Variants in PTPRD observed in about 807,000 individuals in gnomAD.
PTPRD encodes the protein receptor-type tyrosine-protein phosphatase delta.
PTPRD carries 34 observed loss-of-function variants against 214.5 expected under a neutral mutation model. That is an observed-to-expected ratio of 0.16 (90% CI 0.12 to 0.21). The LOEUF (loss-of-function observed/expected upper bound fraction) is 0.21. Among genes scored for constraint, PTPRD ranks in the 10% least tolerant of loss-of-function variants. PTPRD has a pLI of 1.00. For synonymous variants in PTPRD, 1,128 were observed against 845.7 expected, an observed-to-expected ratio of 1.33 and a Z score of -5.79; for missense variants, 2,545 against 2,398.7, an observed-to-expected ratio of 1.06 and a Z score of -1.27.
intron 8 of PTPRD, among the ~76,000 whole-genome samples, chr9:9,570,910 C>T (rs1176123711): frequency 2.6e-5 from 4 of 151,408 alleles, no homozygotes; most frequent in Non-Finnish European, 5.9e-5. Flanking sequence ...TAAACCCCAA[C>T]ATTTCTTTAT....
intron 10 of PTPRD, among the ~76,000 whole-genome samples, chr9:9,058,831 C>T (rs560192549): frequency 1.3e-5 from 2 of 151,874 alleles, no homozygotes; most frequent in African/African-American, 2.4e-5. Flanking sequence ...TAACGTATGA[C>T]GGCAAGGTTA....
At chr9:10,343,124 C>T (rs1484712183) in intron 2 of PTPRD, among the ~76,000 whole-genome samples, 1 of 152,018 alleles carries the variant, frequency 6.6e-6, no homozygotes, top group Non-Finnish European at 1.5e-5. Flanking sequence ...CTATCCCTCC[C>T]CCAGCCCCCG....
chr9:10,537,191 A>G (rs1012920439), intron 2 of PTPRD, among the ~76,000 whole-genome samples: 4 of 152,176 alleles, frequency 2.6e-5, no homozygotes, highest in African/African-American at 9.6e-5. Context: ...TAGTTTAACA[A>G]CGTATTTCTT....
In PTPRD at chr9:10,127,226, G is replaced by A. The variant is rs2098826607; in HGVS notation, c.-544-93436C>T. On this transcript the variant is annotated intron_variant, in intron 3 of 45. Coordinates refer to ENST00000381196, the MANE Select transcript of PTPRD (RefSeq NM_002839.4). ...TAGTAGTGGGACCACTGACACAAAC[G>A]GTGCCAGAGTACTGGCACACAAGAC... 2.0e-5 allele frequency among the ~76,000 whole-genome samples: 3 copies of A among 151,954 alleles called. No homozygotes were observed. The South Asian group carries it at 6.2e-4, about 32-fold the overall frequency.
intron 39 of PTPRD, among the ~76,000 whole-genome samples, chr9:8,363,629 G>A (rs2079048116): frequency 1.3e-5 from 2 of 152,174 alleles, no homozygotes; most frequent in Admixed American, 6.5e-5. Flanking sequence ...AATTCACATT[G>A]CACTTAACTG....
intron 10 of PTPRD, among the ~76,000 whole-genome samples, chr9:9,030,276 CTTTTTTTTTTTTTTTT>C (rs71317396): frequency 2.6e-5 from 1 of 37,920 alleles, no homozygotes; most frequent in Non-Finnish European, 4.4e-5. Flanking sequence ...CACACTTGGG[CTTTTTTTTTTTTTTTT>C]TTTTTTTTTT....
At chr9:9,309,855 T>G (rs1168339106) in intron 9 of PTPRD, among the ~76,000 whole-genome samples, 3 of 152,184 alleles carry the variant, frequency 2.0e-5, no homozygotes, top group Non-Finnish European at 4.4e-5. Flanking sequence ...GTGGCTCTAT[T>G]CTTAAGTCAG....
chr9:9,450,387 T>C (rs2091811362), intron 8 of PTPRD, among the ~76,000 whole-genome samples: 1 of 151,974 alleles, frequency 6.6e-6, no homozygotes, highest in Admixed American at 6.6e-5. Flanking sequence ...CCACCAGCAG[T>C]ATAAAAGTGT....
At chr9:10,278,143 G>A (rs551212428) in intron 3 of PTPRD, among the ~76,000 whole-genome samples, 36 of 141,116 alleles carry the variant, frequency 2.6e-4, no homozygotes, top group African/African-American at 5.5e-4. Context: ...GCGACAGAGC[G>A]AGACTCTGTC....
rs183981330 is a variant in PTPRD at position 8,335,563 on chromosome 9, T to C, written c.5379+3359A>G. On this transcript the variant is annotated intron_variant, in intron 43 of 45. Coordinates refer to ENST00000381196, the MANE Select transcript of PTPRD (RefSeq NM_002839.4). ...AACGAATGGGCAAAAACTGGAAGCA[T>C]TCCCTTTGAAAACTGGCACAAGACA... 1.6e-4 allele frequency among the ~76,000 whole-genome samples: 25 copies of C among 152,236 alleles called. 1 individual carries two copies. Among genetic ancestry groups the C allele is most frequent in the African/African-American group, 5.3e-4 (22 of 41,560 alleles).
intron 10 of PTPRD, among the ~76,000 whole-genome samples, chr9:9,119,704 A>G (rs570837884): frequency 6.6e-6 from 1 of 152,100 alleles, no homozygotes; most frequent in African/African-American, 2.4e-5. Context: ...TTTGTATTTT[A>G]GTAGAGACGG....
At chr9:9,181,569 C>G (rs888638996) in intron 10 of PTPRD, among the ~76,000 whole-genome samples, 3 of 151,914 alleles carry the variant, frequency 2.0e-5, no homozygotes, top group Non-Finnish European at 2.9e-5. Context: ...CATATATGAA[C>G]TCATTTAATC....
chr9:10,588,450 ACACACT>A (rs1009906748), intron 2 of PTPRD, among the ~76,000 whole-genome samples: 43 of 151,958 alleles, frequency 2.8e-4, no homozygotes, highest in African/African-American at 9.6e-4. Flanking sequence ...ACACACACAC[ACACACT>A]CACAATGATA....
intron 34 of PTPRD, chr9:8,437,318 A>G (rs2095393011): frequency 5.9e-6 from 7 of 1,186,418 alleles, no homozygotes; most frequent in Non-Finnish European, 8.1e-6. Flanking sequence ...AGCCTGATAT[A>G]TTTTTTAAAA....
intron 11 of PTPRD, among the ~76,000 whole-genome samples, chr9:8,758,236 T>G (rs565005098): frequency 6.6e-6 from 1 of 152,178 alleles, no homozygotes; most frequent in Non-Finnish European, 1.5e-5. Flanking sequence ...AAGATAATCA[T>G]GCCCTACAGA....
At chr9:9,571,382 G>A (rs1216377841) in intron 8 of PTPRD, among the ~76,000 whole-genome samples, 3 of 151,098 alleles carry the variant, frequency 2.0e-5, no homozygotes, top group African/African-American at 4.8e-5. Context: ...GCATATAACA[G>A]TATTCTGTAG....
intron 8 of PTPRD, among the ~76,000 whole-genome samples, chr9:9,561,001 G>A (rs2154292298): frequency 6.6e-6 from 1 of 152,146 alleles, no homozygotes; most frequent in African/African-American, 2.4e-5. Flanking sequence ...TTCTCTGGGT[G>A]CCATGTGCCT....
chr9:10,168,788 C>T (rs1408678565), intron 3 of PTPRD, among the ~76,000 whole-genome samples: 1 of 152,090 alleles, frequency 6.6e-6, no homozygotes, highest in Middle Eastern at 3.2e-3. Flanking sequence ...AATTTCAGTT[C>T]TCTTTCTGAA....
At chr9:9,377,156 G>C (rs893425613) in intron 9 of PTPRD, among the ~76,000 whole-genome samples, 1 of 151,778 alleles carries the variant, frequency 6.6e-6, no homozygotes, top group Non-Finnish European at 1.5e-5. Context: ...CCAGTTATAA[G>C]GTTTTTATGC....
Sources: gnomAD v4.1 joint callset for allele counts (sites outside exome capture counted in the v4.1 genomes callset) on GRCh38, gnomAD v4.1.1 for gene constraint, MANE v1.5 for transcripts, NCBI Gene and HGNC (gene_info 2026-07-23, HGNC 2026-07-21) for gene names.